The following UNC13A variants were observed in gnomAD, a reference collection of about 807,000 sequenced individuals.
UNC13A encodes the protein protein unc-13 homolog A.
A neutral mutation model predicts 219.7 loss-of-function variants in UNC13A; 61 were observed. The ratio of observed to expected loss-of-function variants is 0.28; its 90% confidence interval spans 0.23 to 0.34. The LOEUF is 0.34. Ranked by LOEUF, UNC13A falls within the 10% of genes least tolerant of loss-of-function variation. The probability of loss-of-function intolerance (pLI) is 1.00; values close to 1 mark genes in which losing one functional copy is unlikely to be tolerated. For synonymous variants in UNC13A, 920 were observed against 884.6 expected, an observed-to-expected ratio of 1.04 and a Z score of -0.71; for missense variants, 1,476 against 2,270.3, an observed-to-expected ratio of 0.65 and a Z score of 7.11.
chr19:17,624,039 C>T (rs10419511), intron 35 of UNC13A, among the ~76,000 whole-genome samples: 63,355 of 151,462 alleles, frequency 0.42, 13,789 homozygotes, highest in Non-Finnish European at 0.47. Flanking sequence ...TCTCTGATGT[C>T]TGAAGTCCAT....
Position 17,606,050 on chromosome 19 carries a change from C to G in UNC13A, c.*4G>C. 1 of 1,522,420 alleles carries G rather than the reference C, an allele frequency of 6.6e-7. No individual in the cohort carries two copies. The highest frequency in any genetic ancestry group is 8.8e-7 in the Non-Finnish European group (1 of 1,142,318). 94.3% of individuals were successfully genotyped at this position (1,522,420 alleles called of 1,614,324 possible). ...GCGCAGTGCCGCTCGGCCGACCGCCCGCGCTAAGGCGCAGGCGCGGCACCG... is the reference window on the plus strand; with the variant it reads ...GCGCAGTGCCGCTCGGCCGACCGCCGGCGCTAAGGCGCAGGCGCGGCACCG... On this transcript the variant is annotated 3_prime_UTR_variant, in exon 44 of 44. Coordinates refer to ENST00000519716, the MANE Select transcript of UNC13A (RefSeq NM_001080421.3).
At position 17,603,490 on chromosome 19, in the gene UNC13A, A is replaced by C. The variant is rs1326361646; in HGVS notation, c.*2564T>G. On this transcript the variant is annotated 3_prime_UTR_variant, in exon 44 of 44. Transcript: ENST00000519716. ...TCCTCAGTCCATATAACAGTCACATAAGCTTATCCCTGGCTACAACTTCCC... is the reference window on the plus strand; with the variant it reads ...TCCTCAGTCCATATAACAGTCACATCAGCTTATCCCTGGCTACAACTTCCC... The C allele has an allele frequency of 6.6e-6, 1 of 152,212 alleles. No homozygotes were observed. Among genetic ancestry groups the C allele is most frequent in the Non-Finnish European group, 1.5e-5 (1 of 68,054 alleles). The allele number at this position is 152,212 out of a possible 1,614,324, so 9.4% of individuals were successfully genotyped here.
chr19:17,635,551 T>A (rs1479132338), intron 26 of UNC13A, among the ~76,000 whole-genome samples: 7 of 152,154 alleles, frequency 4.6e-5, no homozygotes, highest in Non-Finnish European at 7.4e-5. Context: ...TTGTACAATA[T>A]TGTACGTTGA....
In UNC13A at chr19:17,602,669, C is replaced by G. The variant is rs112903206; in HGVS notation, c.*3385G>C. 2,346 of 152,434 alleles carry G rather than the reference C, an allele frequency of 0.015. 27 individuals carry two copies. The highest frequency in any genetic ancestry group is 0.058 in the Middle Eastern group (17 of 294). 9.4% of individuals were successfully genotyped at this position (152,434 alleles called of 1,614,324 possible). A position where few individuals can be genotyped will look rare whatever the true frequency, so the allele number is the denominator to read the frequency against. On this transcript the variant is annotated 3_prime_UTR_variant, in exon 44 of 44. Transcript: ENST00000519716. Reference sequence around the variant, plus strand: ...CAAAAGGCTTTCAGCCCCCTGGACTCCTTGTCTTTTCTCTGTCCGTGTCTC... The same window carrying G: ...CAAAAGGCTTTCAGCCCCCTGGACTGCTTGTCTTTTCTCTGTCCGTGTCTC...
chr19:17,615,468 C>G (rs1289247467), intron 41 of UNC13A, among the ~76,000 whole-genome samples: 1 of 152,092 alleles, frequency 6.6e-6, no homozygotes, highest in African/African-American at 2.4e-5. Context: ...CACTTGAGGC[C>G]AAGAGTTCAA....
At chr19:17,637,299 A>AT (rs35106865) in intron 25 of UNC13A, among the ~76,000 whole-genome samples, 168 of 137,318 alleles carry the variant, frequency 1.2e-3, no homozygotes, top group East Asian at 4.6e-3. Context: ...GTCAAGAACA[A>AT]TTTTTTTTTT....
intron 1 of UNC13A, among the ~76,000 whole-genome samples, chr19:17,684,562 G>A (rs968242613): frequency 2.6e-5 from 4 of 152,226 alleles, no homozygotes; most frequent in Non-Finnish European, 5.9e-5. Context: ...AGTGGATTAC[G>A]ATGTTGGGAA....
chr19:17,633,310 G>A, intron 26 of UNC13A, 117 bp from the exon 27 acceptor site: 2 of 921,466 alleles, frequency 2.2e-6, no homozygotes, highest in Non-Finnish European at 3.4e-6. Context: ...TTTGGGTTCA[G>A]GTTCCCTCAT....
At chr19:17,651,119 C>T (rs2079338210) in intron 12 of UNC13A, among the ~76,000 whole-genome samples, 2 of 149,302 alleles carry the variant, frequency 1.3e-5, no homozygotes, top group African/African-American at 4.9e-5. Context: ...CTGTATTTTT[C>T]GTAGATATGG....
At position 17,658,018 on chromosome 19, in the gene UNC13A, G is replaced by A. The variant is rs1245920820; in HGVS notation, c.767+44C>T. 1.9e-6 allele frequency: 3 copies of A among 1,589,954 alleles called. No homozygotes were observed. In the East Asian group the frequency reaches 6.8e-5, roughly 36 times the overall value. ...CCGTACCCCTCTCTCCACTCCAGGA[G>A]ACACAGCAGGACCCACATGCATGCT... On this transcript the variant is annotated intron_variant, in intron 9 of 43. Transcript: ENST00000519716.
chr19:17,616,654 C>A (rs1031879037), intron 41 of UNC13A, among the ~76,000 whole-genome samples: 1 of 152,096 alleles, frequency 6.6e-6, no homozygotes, highest in African/African-American at 2.4e-5. Context: ...GACGGAGAGA[C>A]AGACAGCCTC....
chr19:17,632,351 T>A (rs2145009786), intron 28 of UNC13A, among the ~76,000 whole-genome samples: 1 of 152,292 alleles, frequency 6.6e-6, no homozygotes, highest in South Asian at 2.1e-4. Flanking sequence ...GACCCATTCA[T>A]TAATTTTAGA....
chr19:17,655,528 C>A, intron 10 of UNC13A, 146 bp from the exon 11 acceptor site: 1 of 742,772 alleles, frequency 1.3e-6, no homozygotes, highest in Non-Finnish European at 2.2e-6. Flanking sequence ...AGTCCCCTGG[C>A]CCACCTCAGT....
At chr19:17,687,456 G>C (rs1315262918) in intron 1 of UNC13A, among the ~76,000 whole-genome samples, 4 of 152,082 alleles carry the variant, frequency 2.6e-5, no homozygotes, top group Non-Finnish European at 5.9e-5. Flanking sequence ...ACCGGAGGGG[G>C]CAGGGAGCGG....
chr19:17,645,717 C>T lies in UNC13A; in HGVS notation c.2313G>A (p.Glu771=), dbSNP rs1232720027. Residue 771 remains glutamate (E), a synonymous_variant, in exon 19 of 44, where the codon GAG becomes GAA. Transcript: ENST00000519716. ...CCATCTCGCCGCTGAGCGTCCGCAC[C>T]TCAATGATCGTCTGCCCCAGGAAAT... The part of the protein sequence containing the change: ...SDDFLGQTII[E]VRTLSGEMDV... 1 of 1,614,252 alleles carries T rather than the reference C, an allele frequency of 6.2e-7. No individual in the cohort carries two copies. Among genetic ancestry groups the T allele is most frequent in the South Asian group, 1.1e-5 (1 of 91,088 alleles).
rs377154091 is a variant in UNC13A, at chr19:17,672,345, T to A, written c.270+33A>T. The A allele has an allele frequency of 1.4e-4, 226 of 1,584,304 alleles. 1 individual carries two copies. The African/African-American group carries it at 2.7e-3, about 19-fold the overall frequency. On this transcript the variant is annotated intron_variant, in intron 4 of 43. Coordinates refer to ENST00000519716, the MANE Select transcript of UNC13A (RefSeq NM_001080421.3). ...TCTCTGGGCTTCTGCAAGGCACTCC[T>A]CCTTCTTCACCCTCAGGCCACCCGC...
chr19:17,638,753 T>C (rs144162222), intron 25 of UNC13A, among the ~76,000 whole-genome samples: 2,714 of 151,836 alleles, frequency 0.018, 94 homozygotes, highest in African/African-American at 0.062. Context: ...CATTTAAACC[T>C]GGGAGGCAGA....
intron 23 of UNC13A, 148 bp from the exon 24 acceptor site, chr19:17,639,673 A>AT: frequency 3.5e-6 from 4 of 1,154,642 alleles, no homozygotes; most frequent in Non-Finnish European, 5.0e-6. Context: ...GCTTGGATGC[A>AT]CCAAGCACAT....
At chr19:17,626,537 A>C (rs2076785584) in intron 34 of UNC13A, 96 bp downstream of exon 34, 1 of 1,353,424 alleles carries the variant, frequency 7.4e-7, no homozygotes, top group Non-Finnish European at 9.7e-7. Flanking sequence ...CCACCCAGCA[A>C]ACATTCCCTG....
Sources: gnomAD v4.1 joint callset for allele counts (sites outside exome capture counted in the v4.1 genomes callset) on GRCh38, gnomAD v4.1.1 for gene constraint, MANE v1.5 for transcripts, NCBI Gene and HGNC (gene_info 2026-07-23, HGNC 2026-07-21) for gene names.